PIK3R1: variants seen among roughly 807,000 people sequenced by gnomAD.
PIK3R1 encodes the protein phosphatidylinositol 3-kinase regulatory subunit alpha.
PIK3R1 carries 29 observed loss-of-function variants against 98.0 expected under a neutral mutation model. The observed-to-expected ratio is 0.30, with a 90% CI of 0.22 to 0.40. The LOEUF is 0.40. PIK3R1 is among the 10% of genes least tolerant of loss of function. The pLI, the probability that PIK3R1 is intolerant of heterozygous loss-of-function variation, is 1.00. For synonymous variants in PIK3R1, 282 were observed against 311.8 expected (o/e 0.90, Z 1.01); for missense variants, 596 against 872.7 (o/e 0.68, Z 3.99).
intron 2 of PIK3R1, among the ~76,000 whole-genome samples, chr5:68,235,872 A>ATTTTTTTTTTTTTTTTT (rs56930555): frequency 4.1e-5 from 6 of 146,644 alleles, no homozygotes; most frequent in African/African-American, 5.0e-5. Context: ...TCTGCCAGGC[A>ATTTTTTTTTTTTTTTTT]TTTTTTTTTT....
chr5:68,295,005 A>T, intron 12 of PIK3R1, 143 bp from the exon 13 acceptor site: 1 of 146,202 alleles, frequency 6.8e-6, no homozygotes, highest in Admixed American at 7.2e-5. Context: ...GAGCCACTCC[A>T]AAAAAAAAAA....
intron 2 of PIK3R1, among the ~76,000 whole-genome samples, chr5:68,236,331 G>C (rs1643917): frequency 6.7e-6 from 1 of 149,914 alleles, no homozygotes; most frequent in Non-Finnish European, 1.5e-5. Flanking sequence ...CTCACTGCAA[G>C]CTCCGCCTCC....
rs1290848791 is a variant in PIK3R1, at chr5:68,299,273, T to A, written c.*1672T>A. 3 of 233,544 alleles carry A rather than the reference T, an allele frequency of 1.3e-5. No homozygotes were observed. The highest frequency in any genetic ancestry group is 2.2e-5 in the African/African-American group (1 of 45,336). The allele number at this position is 233,544 out of a possible 1,614,324, so 14.5% of individuals were successfully genotyped here. A position where few individuals can be genotyped will look rare whatever the true frequency, so the allele number is the denominator to read the frequency against. ...AAAATACTTTTGGTGGTATGTTGGT[T>A]ACCCTCCTAGCTTTCCATTTGGTTT... is the stretch of plus-strand genomic sequence containing the variant. On this transcript the variant is annotated 3_prime_UTR_variant, in exon 16 of 16. Coordinates refer to ENST00000521381, the MANE Select transcript of PIK3R1 (RefSeq NM_181523.3).
At chr5:68,270,048 G>A (rs1429847205) in intron 2 of PIK3R1, among the ~76,000 whole-genome samples, 1 of 152,008 alleles carries the variant, frequency 6.6e-6, no homozygotes, top group African/African-American at 2.4e-5. Context: ...ACACTTCCTA[G>A]TACCCATGTG....
intron 2 of PIK3R1, among the ~76,000 whole-genome samples, chr5:68,234,524 G>A (rs764474138): frequency 5.0e-4 from 76 of 152,172 alleles, no homozygotes; most frequent in Non-Finnish European, 7.3e-4. Flanking sequence ...AGATGCATGC[G>A]GTGTATGGTT....
chr5:68,246,725 G>A (rs532773135), intron 2 of PIK3R1, among the ~76,000 whole-genome samples: 1 of 152,322 alleles, frequency 6.6e-6, no homozygotes, highest in South Asian at 2.1e-4. Flanking sequence ...CTGGGTTCAC[G>A]CCATTCTCCT....
intron 4 of PIK3R1, among the ~76,000 whole-genome samples, chr5:68,275,056 T>C (rs1214237888): frequency 6.6e-6 from 1 of 152,230 alleles, no homozygotes; most frequent in East Asian, 1.9e-4. Flanking sequence ...AAAGAGGTTT[T>C]TTTGGAGAAA....
rs2112254941 is a variant in PIK3R1 at position 68,293,205 on chromosome 5, C to T, written c.1118+6C>T. Reference sequence around the variant, plus strand: ...GATTATACTCTTACACTAAGGTAAGCCAGGGAATATAGCTGAAATTAGGGT... The same window carrying T: ...GATTATACTCTTACACTAAGGTAAGTCAGGGAATATAGCTGAAATTAGGGT... On this transcript the variant is annotated splice_donor_region_variant and intron_variant, in intron 9 of 15. Transcript: ENST00000521381. 6.2e-7 allele frequency: 1 copy of T among 1,609,786 alleles called. No homozygotes were observed. Among genetic ancestry groups the T allele is most frequent in the Non-Finnish European group, 8.5e-7 (1 of 1,176,536 alleles).
In PIK3R1 at chr5:68,296,252, C is replaced by T; in HGVS notation, c.1896C>T (p.Asn632=). The T allele has an allele frequency of 6.2e-7, 1 of 1,614,210 alleles. No individual in the cohort carries two copies. The highest frequency in any genetic ancestry group is 1.1e-5 in the South Asian group (1 of 91,090). Residue 632 remains asparagine (N), a synonymous_variant, in exon 15 of 16, where the codon AAC becomes AAT. Transcript: ENST00000521381. The part of the protein sequence containing the change: ...KTWNVGSSNR[N]KAENLLRGKR... Reference sequence around the variant, plus strand: ...GGAATGTTGGAAGCAGCAACCGAAACAAAGCTGAAAACCTGTTGCGAGGGA... The same window carrying T: ...GGAATGTTGGAAGCAGCAACCGAAATAAAGCTGAAAACCTGTTGCGAGGGA...
chr5:68,226,470 C>G lies in PIK3R1; in HGVS notation c.-206C>G. ...CGCAGAGGAAGTGGAGCCCTGTCTT[C>G]GGTCACACCATTGATGGAGGACAGA... On this transcript the variant is annotated 5_prime_UTR_variant, in exon 2 of 16. Transcript: ENST00000521381. The G allele has an allele frequency of 5.7e-6, 3 of 526,610 alleles. No homozygotes were observed. Among genetic ancestry groups the G allele is most frequent in the Non-Finnish European group, 1.0e-5 (3 of 298,284 alleles). The allele number at this position is 526,610 out of a possible 1,614,324, so 32.6% of individuals were successfully genotyped here. A position where few individuals can be genotyped will look rare whatever the true frequency, so the allele number is the denominator to read the frequency against.
At chr5:68,221,651 T>C (rs1580168440) in intron 1 of PIK3R1, among the ~76,000 whole-genome samples, 1 of 152,258 alleles carries the variant, frequency 6.6e-6, no homozygotes, top group East Asian at 1.9e-4. Context: ...ATGGAGTAAC[T>C]CAACAAAGTC....
chr5:68,296,003 C>G, intron 14 of PIK3R1, 168 bp from the exon 15 acceptor site: 2 of 605,696 alleles, frequency 3.3e-6, no homozygotes, highest in Non-Finnish European at 5.8e-6. Context: ...AGGCTGAATA[C>G]CAGGAGAGGA....
At chr5:68,228,277 G>A (rs561449134) in intron 2 of PIK3R1, among the ~76,000 whole-genome samples, 4 of 152,276 alleles carry the variant, frequency 2.6e-5, no homozygotes, top group African/African-American at 9.6e-5. Flanking sequence ...GAAACAGAAT[G>A]CAAGGGTAAG....
intron 2 of PIK3R1, among the ~76,000 whole-genome samples, chr5:68,252,724 T>G (rs1745364213): frequency 6.6e-6 from 1 of 152,186 alleles, no homozygotes; most frequent in African/African-American, 2.4e-5. Flanking sequence ...TCCCCAATTT[T>G]GGGGGTGGGA....
intron 7 of PIK3R1, chr5:68,288,444 T>C (rs1485795510): frequency 2.3e-5 from 29 of 1,270,086 alleles, no homozygotes; most frequent in Non-Finnish European, 2.8e-5. Flanking sequence ...AGTTGGCTTC[T>C]CAATGAGGAG....
chr5:68,293,846 A>C lies in PIK3R1; in HGVS notation c.1425+12A>C, dbSNP rs370702392. 7 of 1,545,060 alleles carry C rather than the reference A, an allele frequency of 4.5e-6. No homozygotes were observed. The highest frequency in any genetic ancestry group is 6.1e-6 in the Non-Finnish European group (7 of 1,149,576). On this transcript the variant is annotated intron_variant, in intron 11 of 15. Transcript: ENST00000521381. ...CCCGCACATCCCAGGTGAGTTTTCT[A>C]TGAAAATCAGATTAAAAAATAAGAG...
chr5:68,281,429 CAAAAT>C (rs1316436417), intron 7 of PIK3R1, among the ~76,000 whole-genome samples: 2 of 152,104 alleles, frequency 1.3e-5, no homozygotes, highest in Non-Finnish European at 2.9e-5. Context: ...AAATGCCTGT[CAAAAT>C]AAACATTTTC....
chr5:68,248,402 A>G (rs1018843533), intron 2 of PIK3R1, among the ~76,000 whole-genome samples: 2 of 152,218 alleles, frequency 1.3e-5, no homozygotes, highest in East Asian at 3.8e-4. Context: ...TCTTAATATT[A>G]TCTTAAATCC....
At chr5:68,281,168 G>C (rs1009833276) in intron 7 of PIK3R1, among the ~76,000 whole-genome samples, 162 bp downstream of exon 7, 1 of 152,172 alleles carries the variant, frequency 6.6e-6, no homozygotes, top group Non-Finnish European at 1.5e-5. Context: ...CTGAGTGGTA[G>C]TGTATATGTT....
Sources: gnomAD v4.1 joint callset for allele counts (sites outside exome capture counted in the v4.1 genomes callset) on GRCh38, gnomAD v4.1.1 for gene constraint, MANE v1.5 for transcripts, NCBI Gene and HGNC (gene_info 2026-07-23, HGNC 2026-07-21) for gene names.